The following LRCH1 variants were observed in gnomAD, a reference collection of about 807,000 sequenced individuals.
LRCH1 encodes leucine-rich repeat and calponin homology domain-containing protein 1.
In LRCH1, 23 loss-of-function variants were observed where a neutral mutation model predicts 94.9. The ratio of observed to expected loss-of-function variants is 0.24; its 90% confidence interval spans 0.17 to 0.34. The LOEUF is 0.34. LRCH1 is among the 10% of genes least tolerant of loss of function. The probability of loss-of-function intolerance (pLI) is 1.00; values close to 1 mark genes in which losing one functional copy is unlikely to be tolerated. For synonymous variants in LRCH1, 364 were observed against 354.9 expected, an observed-to-expected ratio of 1.03 and a Z score of -0.29; for missense variants, 790 against 945.9, an observed-to-expected ratio of 0.84 and a Z score of 2.16.
chr13:46,654,295 G>A (rs980757114), intron 2 of LRCH1, among the ~76,000 whole-genome samples: 59 of 152,212 alleles, frequency 3.9e-4, no homozygotes, highest in Non-Finnish European at 4.1e-4. Flanking sequence ...ATGACAACGT[G>A]ATGTCTCCTC....
intron 16 of LRCH1, among the ~76,000 whole-genome samples, chr13:46,720,517 A>C (rs1872547349): frequency 6.6e-6 from 1 of 152,190 alleles, no homozygotes; most frequent in Non-Finnish European, 1.5e-5. Context: ...TGACTTGAAA[A>C]ATACATGCTC....
intron 1 of LRCH1, among the ~76,000 whole-genome samples, chr13:46,579,699 GT>G (rs2050344693): frequency 1.3e-5 from 2 of 152,138 alleles, no homozygotes; most frequent in East Asian, 3.9e-4. Context: ...TTGTTTGTCC[GT>G]TTCAGAGTTT....
intron 1 of LRCH1, among the ~76,000 whole-genome samples, chr13:46,599,675 T>G (rs1338490213): frequency 6.6e-6 from 1 of 152,250 alleles, no homozygotes; most frequent in Non-Finnish European, 1.5e-5. Context: ...AGTAGTTTTA[T>G]TTCAGAAATA....
intron 1 of LRCH1, among the ~76,000 whole-genome samples, chr13:46,567,748 C>T (rs1349410443): frequency 6.6e-6 from 1 of 152,112 alleles, no homozygotes; most frequent in Non-Finnish European, 1.5e-5. Flanking sequence ...ATTCAGTTGG[C>T]AGCTGTGAAG....
At chr13:46,747,914 A>AT (rs1350985851), downstream of LRCH1, among the ~76,000 whole-genome samples, 3 of 151,790 alleles carry the variant, frequency 2.0e-5, no homozygotes, top group Non-Finnish European at 4.4e-5. Flanking sequence ...ATTTTCTTTA[A>AT]TTTTTTTGGA....
intron 9 of LRCH1, among the ~76,000 whole-genome samples, chr13:46,697,501 G>T (rs1267519007): frequency 6.6e-6 from 1 of 152,148 alleles, no homozygotes; most frequent in Admixed American, 6.5e-5. Flanking sequence ...CTGAACACAA[G>T]GCAGCACTTC....
chr13:46,705,508 G>T (rs1871712564), intron 13 of LRCH1: 1 of 696,264 alleles, frequency 1.4e-6, no homozygotes, highest in Non-Finnish European at 2.6e-6. Flanking sequence ...ACCCTCTGTT[G>T]AAGATGAGAG....
intron 1 of LRCH1, among the ~76,000 whole-genome samples, chr13:46,635,394 C>T (rs910879283): frequency 1.3e-5 from 2 of 151,836 alleles, no homozygotes. Context: ...GCTAGTCTCC[C>T]TTGCTGTGGA....
Position 46,607,808 on chromosome 13 carries a change from G to T in LRCH1, c.308-42393G>T, listed in dbSNP as rs144560381. 3.5e-3 allele frequency among the ~76,000 whole-genome samples: 526 copies of T among 152,232 alleles called. 3 individuals are homozygous for T. Among genetic ancestry groups the T allele is most frequent in the Non-Finnish European group, 5.3e-3 (358 of 68,014 alleles). ...TGAGCAACTTCCTGGCGAGTGAGGG[G>T]TGCGGCAGGGAAGGGTGGAGACGCA... On this transcript the variant is annotated intron_variant, in intron 1 of 19. Coordinates refer to ENST00000389797, the MANE Select transcript of LRCH1 (RefSeq NM_001164211.2).
intron 1 of LRCH1, among the ~76,000 whole-genome samples, chr13:46,641,360 G>C (rs1457272727): frequency 6.6e-6 from 1 of 152,188 alleles, no homozygotes; most frequent in East Asian, 1.9e-4. Context: ...AGAGTAGCAA[G>C]AGGGTGGAGA....
exon 19 of LRCH1, chr13:46,751,135 A>G (rs1382945203): frequency 6.6e-6 from 1 of 152,172 alleles, no homozygotes; most frequent in Non-Finnish European, 1.5e-5. Flanking sequence ...ATATTTATAT[A>G]AATATTATTT....
intron 13 of LRCH1, among the ~76,000 whole-genome samples, chr13:46,711,231 A>C (rs1051592671): frequency 1.8e-4 from 28 of 152,190 alleles, no homozygotes; most frequent in Admixed American, 1.0e-3. Flanking sequence ...TCGGGATGTC[A>C]TCTTGACTTT....
chr13:46,645,007 T>C (rs2051203033), intron 1 of LRCH1, among the ~76,000 whole-genome samples: 1 of 152,194 alleles, frequency 6.6e-6, no homozygotes, highest in African/African-American at 2.4e-5. Context: ...GCACAGCTGC[T>C]TCTGGGATGC....
chr13:46,722,510 G>A (rs1208860261), intron 16 of LRCH1, among the ~76,000 whole-genome samples: 1 of 152,198 alleles, frequency 6.6e-6, no homozygotes, highest in Non-Finnish European at 1.5e-5. Flanking sequence ...TCATAGGGAA[G>A]GGCATGTGTT....
At chr13:46,628,098 G>A (rs1425454888) in intron 1 of LRCH1, among the ~76,000 whole-genome samples, 1 of 152,070 alleles carries the variant, frequency 6.6e-6, no homozygotes, top group African/African-American at 2.4e-5. Context: ...TGCAAGCACA[G>A]CACTAACAAA....
At chr13:46,677,255 CAAAAA>C (rs67827727) in intron 3 of LRCH1, among the ~76,000 whole-genome samples, 2 of 98,058 alleles carry the variant, frequency 2.0e-5, no homozygotes, top group South Asian at 8.0e-4. Context: ...ACTAAAAATA[CAAAAA>C]AAAAAAAAAA....
At chr13:46,670,042 C>T (rs1304676461) in intron 3 of LRCH1, among the ~76,000 whole-genome samples, 1 of 152,208 alleles carries the variant, frequency 6.6e-6, no homozygotes, top group African/African-American at 2.4e-5. Context: ...ACGGTGCTGG[C>T]CTGTGAGGCC....
intron 1 of LRCH1, among the ~76,000 whole-genome samples, chr13:46,596,800 A>G (rs1350115843): frequency 1.3e-5 from 2 of 152,228 alleles, no homozygotes; most frequent in Non-Finnish European, 2.9e-5. Context: ...GGCTAGGTCC[A>G]TGGCAATCGA....
rs140493974 is a variant in LRCH1 at position 46,653,074 on chromosome 13, G to A, written c.452+2729G>A. 5.8e-4 allele frequency among the ~76,000 whole-genome samples: 89 copies of A among 152,270 alleles called. 2 individuals carry two copies. In the East Asian group the frequency reaches 0.017, roughly 28 times the overall value. ...GCAAAGACAGAGAATTCATTGAAACGGATCATGGCTGAAGAGGACCATGTG... is the reference window on the plus strand; with the variant it reads ...GCAAAGACAGAGAATTCATTGAAACAGATCATGGCTGAAGAGGACCATGTG... On this transcript the variant is annotated intron_variant, in intron 2 of 19. Coordinates refer to ENST00000389797, the MANE Select transcript of LRCH1 (RefSeq NM_001164211.2).
Sources: gnomAD v4.1 joint callset for allele counts (sites outside exome capture counted in the v4.1 genomes callset) on GRCh38, gnomAD v4.1.1 for gene constraint, MANE v1.5 for transcripts, NCBI Gene and HGNC (gene_info 2026-07-23, HGNC 2026-07-21) for gene names.